Variants in UBA52 observed in about 807,000 individuals in gnomAD.
The protein encoded by UBA52 is ubiquitin-ribosomal protein eL40 fusion protein.
UBA52 carries 1 observed loss-of-function variant against 15.3 expected under a neutral mutation model. That is an observed-to-expected ratio of 0.07 (90% CI 0.02 to 0.31). UBA52 has a LOEUF of 0.31. Ranked by LOEUF, UBA52 falls within the 10% of genes least tolerant of loss-of-function variation. The probability of loss-of-function intolerance (pLI) is 1.00; values close to 1 mark genes in which losing one functional copy is unlikely to be tolerated. For missense variants in UBA52, 87 were observed against 168.0 expected, an observed-to-expected ratio of 0.52 and a Z score of 2.66; for synonymous variants, 50 against 58.3, an observed-to-expected ratio of 0.86 and a Z score of 0.65.
At chr19:18,568,313 G>A (rs1175143069), upstream of UBA52, 5 of 922,934 alleles carry the variant, frequency 5.4e-6, no homozygotes, top group Non-Finnish European at 8.6e-6. Flanking sequence ...TGGGGTGAGG[G>A]CAGCCGTTAG....
Position 18,575,312 on chromosome 19 carries a change from C to T in UBA52, c.*162C>T, listed in dbSNP as rs1004503476. On this transcript the variant is annotated 3_prime_UTR_variant, in exon 5 of 5. Coordinates refer to ENST00000442744, the MANE Select transcript of UBA52 (RefSeq NM_001033930.3). Reference sequence around the variant, plus strand: ...GGGCATCTCCCTTAGGGACTCTACTCAGCACTCCATTCTGTGCCACCTGTG... The same window carrying T: ...GGGCATCTCCCTTAGGGACTCTACTTAGCACTCCATTCTGTGCCACCTGTG... 2.5e-5 allele frequency: 19 copies of T among 756,434 alleles called. No homozygotes were observed. The Admixed American group carries it at 3.7e-4, about 15-fold the overall frequency. The allele number at this position is 756,434 out of a possible 1,614,324, so 46.9% of individuals were successfully genotyped here. A position where few individuals can be genotyped will look rare whatever the true frequency, so the allele number is the denominator to read the frequency against.
chr19:18,571,894 G>C lies in UBA52; in HGVS notation c.-24G>C, dbSNP rs1975499364. On this transcript the variant is annotated 5_prime_UTR_variant, in exon 1 of 5. Transcript: ENST00000442744. ...CAGCGAGGCGGCCGAGCTGGTTGGT[G>C]GCGGCGGTCGTGCGGGTTCGCGCCG... 1 of 153,148 alleles carries C rather than the reference G, an allele frequency of 6.5e-6. No individual in the cohort carries two copies. Among genetic ancestry groups the C allele is most frequent in the South Asian group, 2.0e-4 (1 of 4,912 alleles). The allele number at this position is 153,148 out of a possible 1,614,324, so 9.5% of individuals were successfully genotyped here.
At position 18,571,904 on chromosome 19, in the gene UBA52, G is replaced by T. The variant is rs41292107; in HGVS notation, c.-14G>T. 921 of 153,102 alleles carry T rather than the reference G, an allele frequency of 6.0e-3. 3 individuals carry two copies. The highest frequency in any genetic ancestry group is 0.011 in the Non-Finnish European group (740 of 68,610). The allele number at this position is 153,102 out of a possible 1,614,324, so 9.5% of individuals were successfully genotyped here. ...GCCGAGCTGGTTGGTGGCGGCGGTC[G>T]TGCGGGTTCGCGCCGGGCCGAGAGC... On this transcript the variant is annotated 5_prime_UTR_variant, in exon 1 of 5. Transcript: ENST00000442744.
chr19:18,574,507 G>A (rs1202700708), intron 3 of UBA52, among the ~76,000 whole-genome samples: 1 of 152,068 alleles, frequency 6.6e-6, no homozygotes, highest in Non-Finnish European at 1.5e-5. Flanking sequence ...GGCCAGGCTG[G>A]TCTCTTAAAG....
chr19:18,565,293 G>A, the UBA52 span: 768 of 788,332 alleles, frequency 9.7e-4, no homozygotes, highest in Non-Finnish European at 1.2e-3. Flanking sequence ...GCAGTGGCGC[G>A]ACCTCAGCTC....
upstream of UBA52, chr19:18,567,449 A>G (rs185888929): frequency 3.0e-5 from 21 of 699,756 alleles, no homozygotes; most frequent in Non-Finnish European, 4.7e-5. Flanking sequence ...CCCTGTGTGC[A>G]TTATGAGCCA....
At position 18,573,289 on chromosome 19, in the gene UBA52, G is replaced by A; in HGVS notation, c.-8-4G>A. 2.5e-6 allele frequency: 4 copies of A among 1,614,004 alleles called. No individual in the cohort carries two copies. The highest frequency in any genetic ancestry group is 3.4e-6 in the Non-Finnish European group (4 of 1,179,870). On this transcript the variant is annotated splice_region_variant and splice_polypyrimidine_tract_variant and intron_variant, in intron 1 of 4. Coordinates refer to ENST00000442744, the MANE Select transcript of UBA52 (RefSeq NM_001033930.3). ...AGTCTATCCTGCCTCCCTTCCTCCT[G>A]CAGACGCAAACATGCAGATCTTTGT...
chr19:18,570,980 C>T (rs1204318282), upstream of UBA52, among the ~76,000 whole-genome samples: 1 of 151,524 alleles, frequency 6.6e-6, no homozygotes, highest in Non-Finnish European at 1.5e-5. Context: ...ACCCAGGTCC[C>T]GCCCTGGCAC....
chr19:18,575,969 A>T lies in UBA52; in HGVS notation c.*819A>T, dbSNP rs1365549672. ...CACTGGGTTAGCCAGGTTGGTCTCG[A>T]TCTCCTGACCTTGTGATCCATTCGC... On this transcript the variant is annotated 3_prime_UTR_variant, in exon 5 of 5. Coordinates refer to ENST00000442744, the MANE Select transcript of UBA52 (RefSeq NM_001033930.3). 1 of 152,190 alleles carries T rather than the reference A, an allele frequency of 6.6e-6. No homozygotes were observed. The highest frequency in any genetic ancestry group is 1.5e-5 in the Non-Finnish European group (1 of 68,120). The allele number at this position is 152,190 out of a possible 1,614,324, so 9.4% of individuals were successfully genotyped here. A position where few individuals can be genotyped will look rare whatever the true frequency, so the allele number is the denominator to read the frequency against.
chr19:18,577,254 A>G lies in UBA52; in HGVS notation c.*2104A>G, dbSNP rs1207924236. On this transcript the variant is annotated 3_prime_UTR_variant, in exon 5 of 5. Coordinates refer to ENST00000442744, the MANE Select transcript of UBA52 (RefSeq NM_001033930.3). ...CCATGACTCAGGGTTTTGAGTTCTT[A>G]ACTGATCGAATGAAGGATTCAAAAT... 1 of 152,024 alleles carries G rather than the reference A, an allele frequency of 6.6e-6. No individual in the cohort carries two copies. Among genetic ancestry groups the G allele is most frequent in the Non-Finnish European group, 1.5e-5 (1 of 68,020 alleles). The allele number at this position is 152,024 out of a possible 1,614,324, so 9.4% of individuals were successfully genotyped here.
At chr19:18,572,225 C>T (rs1000656914) in intron 1 of UBA52, 2 of 152,268 alleles carry the variant, frequency 1.3e-5, no homozygotes, top group East Asian at 3.8e-4. Context: ...GCGTCAGTCG[C>T]TTTGGAAATA....
At chr19:18,564,264 AC>A in the UBA52 span, among the ~76,000 whole-genome samples, 2 of 152,002 alleles carry the variant, frequency 1.3e-5, no homozygotes, top group Middle Eastern at 6.8e-3. Context: ...CCAGACACAG[AC>A]CCTCCTGGCC....
the UBA52 span, chr19:18,565,032 A>C: frequency 6.5e-7 from 1 of 1,541,984 alleles, no homozygotes; most frequent in Non-Finnish European, 8.6e-7. Context: ...GTGGGTGCTC[A>C]GTGCCACCCC....
chr19:18,563,988 A>G, the UBA52 span, among the ~76,000 whole-genome samples: 2 of 148,910 alleles, frequency 1.3e-5, no homozygotes, highest in Admixed American at 1.3e-4. Flanking sequence ...CCGGGTTCAA[A>G]TGATTCTCCT....
the UBA52 span, among the ~76,000 whole-genome samples, chr19:18,565,686 G>T: frequency 6.6e-6 from 1 of 151,634 alleles, no homozygotes; most frequent in Non-Finnish European, 1.5e-5. Flanking sequence ...GCTAATTTTT[G>T]TTGTTGTTGT....
intron 1 of UBA52, 97 bp from the exon 2 acceptor site, chr19:18,573,196 C>G (rs1014127653): frequency 5.6e-6 from 7 of 1,255,446 alleles, no homozygotes; most frequent in Non-Finnish European, 4.5e-6. Context: ...GGACTTGGTG[C>G]AGGCAAAGGG....
chr19:18,566,618 C>T, the UBA52 span, among the ~76,000 whole-genome samples: 2 of 151,636 alleles, frequency 1.3e-5, no homozygotes, highest in East Asian at 1.9e-4. Context: ...TGATGAAATC[C>T]CGTCTCTACT....
At chr19:18,564,916 A>G in the UBA52 span, 8 of 1,613,654 alleles carry the variant, frequency 5.0e-6, no homozygotes, top group South Asian at 6.6e-5. Context: ...AACTTCAACA[A>G]CCTGTCCAGT....
rs1975741573 is a variant in UBA52, at chr19:18,575,418, CTG to C, written c.*269_*270del. Reference sequence around the variant, plus strand: ...GACTCTGGATTTGTCATCTGTAAAACTGGAGTAAAAACCTCAGTCGTGTAATT... The same window carrying C: ...GACTCTGGATTTGTCATCTGTAAAACGAGTAAAAACCTCAGTCGTGTAATT... On this transcript the variant is annotated 3_prime_UTR_variant, in exon 5 of 5. Coordinates refer to ENST00000442744, the MANE Select transcript of UBA52 (RefSeq NM_001033930.3). The C allele has an allele frequency of 2.1e-6, 1 of 473,380 alleles. No individual in the cohort carries two copies. The highest frequency in any genetic ancestry group is 3.5e-5 in the Admixed American group (1 of 28,320). The allele number at this position is 473,380 out of a possible 1,614,324, so 29.3% of individuals were successfully genotyped here.
Sources: gnomAD v4.1 joint callset for allele counts (sites outside exome capture counted in the v4.1 genomes callset) on GRCh38, gnomAD v4.1.1 for gene constraint, MANE v1.5 for transcripts, NCBI Gene and HGNC (gene_info 2026-07-23, HGNC 2026-07-21) for gene names.